Variants in TRIM33 observed in about 807,000 individuals in gnomAD.
TRIM33 encodes E3 ubiquitin-protein ligase TRIM33.
TRIM33 carries 20 observed loss-of-function variants against 125.4 expected under a neutral mutation model. The observed-to-expected ratio is 0.16, with a 90% CI of 0.11 to 0.23. TRIM33 has a LOEUF of 0.23. Among genes scored for constraint, TRIM33 ranks in the 10% least tolerant of loss-of-function variants. TRIM33 has a pLI of 1.00. For synonymous variants in TRIM33, 564 were observed against 513.9 expected, an observed-to-expected ratio of 1.10 and a Z score of -1.32; for missense variants, 920 against 1,411.4, an observed-to-expected ratio of 0.65 and a Z score of 5.58.
chr1:114,407,082 T>G lies in TRIM33; in HGVS notation c.2277A>C (p.Arg759Ser). Reference protein sequence around the residue: ...GSRGSCGSSGRTAEKTSLSFK... With the variant: ...GSRGSCGSSGSTAEKTSLSFK... Reference sequence around the variant, plus strand: ...AACTAAGACTTGTCTTCTCAGCAGTTCTTCCTGATGACCCACAGCTAATAA... The same window carrying G: ...AACTAAGACTTGTCTTCTCAGCAGTGCTTCCTGATGACCCACAGCTAATAA... Residue 759 changes from arginine (R) to serine (S), a missense_variant, in exon 14 of 20, where the codon AGA (arginine) becomes AGC (serine). Arg to Ser is a moderately radical substitution (Grantham distance 110). Around this residue, in one of 8 missense-constraint regions of TRIM33, gnomAD observed 407 missense variants for 589.7 expected, o/e 0.69. Coordinates refer to ENST00000358465, the MANE Select transcript of TRIM33 (RefSeq NM_015906.4). The G allele has an allele frequency of 1.2e-6, 2 of 1,613,552 alleles. No homozygotes were observed. The highest frequency in any genetic ancestry group is 1.7e-6 in the Non-Finnish European group (2 of 1,179,748).
intron 1 of TRIM33, among the ~76,000 whole-genome samples, chr1:114,506,316 G>C (rs1157429028): frequency 6.6e-6 from 1 of 151,096 alleles, no homozygotes; most frequent in Non-Finnish European, 1.5e-5. Flanking sequence ...CCAGGAGGTG[G>C]AGGTTGCAGT....
At chr1:114,492,739 G>A (rs757034698) in intron 1 of TRIM33, among the ~76,000 whole-genome samples, 7 of 152,186 alleles carry the variant, frequency 4.6e-5, no homozygotes, top group African/African-American at 7.2e-5. Context: ...ATTGCAGCAT[G>A]TATCGGAAAT....
rs116058638 is a variant in TRIM33, at chr1:114,395,074, A to T, written c.*2574T>A. 7.7e-3 allele frequency: 1,475 copies of T among 191,870 alleles called. 26 individuals carry two copies. Among genetic ancestry groups the T allele is most frequent in the African/African-American group, 0.032 (1,392 of 43,136 alleles). The allele number at this position is 191,870 out of a possible 1,614,324, so 11.9% of individuals were successfully genotyped here. A position where few individuals can be genotyped will look rare whatever the true frequency, so the allele number is the denominator to read the frequency against. On this transcript the variant is annotated 3_prime_UTR_variant, in exon 20 of 20. Transcript: ENST00000358465. The stretch of plus-strand genomic sequence containing the variant: ...AACTAATAGGAAAACATATATCTAA[A>T]TATCAATTTAAGTTTTTATACTTTT...
intron 1 of TRIM33, among the ~76,000 whole-genome samples, chr1:114,507,082 G>A (rs1409064853): frequency 6.6e-6 from 1 of 152,198 alleles, no homozygotes; most frequent in Non-Finnish European, 1.5e-5. Flanking sequence ...AAACATTTTG[G>A]ATTTTAGCTG....
intron 1 of TRIM33, among the ~76,000 whole-genome samples, chr1:114,503,457 G>T (rs999546922): frequency 6.6e-6 from 1 of 152,072 alleles, no homozygotes; most frequent in African/African-American, 2.4e-5. Context: ...CAGTGTGGGT[G>T]ACAAAGCAAG....
intron 4 of TRIM33, among the ~76,000 whole-genome samples, chr1:114,458,797 C>T (rs997665116): frequency 2.0e-5 from 3 of 152,086 alleles, no homozygotes; most frequent in African/African-American, 7.2e-5. Flanking sequence ...AACACTTAAA[C>T]TTTGGTTACT....
chr1:114,397,579 G>A lies in TRIM33; in HGVS notation c.*69C>T, dbSNP rs1305121288. 1.7e-6 allele frequency: 2 copies of A among 1,157,164 alleles called. No homozygotes were observed. Among genetic ancestry groups the A allele is most frequent in the Admixed American group, 2.5e-5 (1 of 40,812 alleles). 71.7% of individuals were successfully genotyped at this position (1,157,164 alleles called of 1,614,324 possible). A position where few individuals can be genotyped will look rare whatever the true frequency, so the allele number is the denominator to read the frequency against. On this transcript the variant is annotated 3_prime_UTR_variant, in exon 20 of 20. Coordinates refer to ENST00000358465, the MANE Select transcript of TRIM33 (RefSeq NM_015906.4). ...TCCAGCAACACTTAAAAGTTTTCTGGGTTTTTTGTGTTTTTTTTTTTTTTT... is the reference window on the plus strand; with the variant it reads ...TCCAGCAACACTTAAAAGTTTTCTGAGTTTTTTGTGTTTTTTTTTTTTTTT...
chr1:114,455,718 C>G (rs370982867), intron 4 of TRIM33, among the ~76,000 whole-genome samples: 1 of 152,102 alleles, frequency 6.6e-6, no homozygotes, highest in Non-Finnish European at 1.5e-5. Context: ...CAATGAGAGC[C>G]CCAGCTAGTT....
chr1:114,439,300 C>T (rs867798736), intron 4 of TRIM33, among the ~76,000 whole-genome samples: 4 of 148,110 alleles, frequency 2.7e-5, no homozygotes, highest in Non-Finnish European at 4.5e-5. Flanking sequence ...GGTGAAACCC[C>T]GTCTCTACTA....
intron 2 of TRIM33, among the ~76,000 whole-genome samples, chr1:114,463,791 C>T (rs1301653451): frequency 1.6e-5 from 2 of 126,684 alleles, no homozygotes; most frequent in Non-Finnish European, 3.2e-5. Context: ...TTTTTTGAGA[C>T]AGGCTCTCGC....
At chr1:114,422,913 T>C (rs1419688175) in intron 10 of TRIM33, among the ~76,000 whole-genome samples, 1 of 152,162 alleles carries the variant, frequency 6.6e-6, no homozygotes, top group South Asian at 2.1e-4. Flanking sequence ...ATTTTGTAAA[T>C]TATGTATTTT....
chr1:114,445,783 A>G (rs1171463220), intron 4 of TRIM33, among the ~76,000 whole-genome samples: 1 of 152,194 alleles, frequency 6.6e-6, no homozygotes, highest in Non-Finnish European at 1.5e-5. Context: ...AGTAATATCA[A>G]TATCTTTTCA....
intron 1 of TRIM33, among the ~76,000 whole-genome samples, chr1:114,493,352 G>A (rs1187885550): frequency 1.3e-5 from 2 of 152,086 alleles, no homozygotes; most frequent in African/African-American, 4.8e-5. Context: ...TTCACTTTCT[G>A]AATAATGGCC....
At chr1:114,448,795 T>C (rs1649145204) in intron 4 of TRIM33, among the ~76,000 whole-genome samples, 1 of 152,132 alleles carries the variant, frequency 6.6e-6, no homozygotes, top group Non-Finnish European at 1.5e-5. Context: ...CTAAGCAGAA[T>C]GAGCTGGAGT....
chr1:114,472,993 CA>C (rs1650741857), intron 1 of TRIM33, among the ~76,000 whole-genome samples: 1 of 151,872 alleles, frequency 6.6e-6, no homozygotes, highest in Non-Finnish European at 1.5e-5. Flanking sequence ...AAATAGCACT[CA>C]AATATAAAAT....
chr1:114,473,523 G>C (rs983277985), intron 1 of TRIM33, among the ~76,000 whole-genome samples: 4 of 152,124 alleles, frequency 2.6e-5, no homozygotes, highest in African/African-American at 9.7e-5. Context: ...TTATGGCAGA[G>C]CAGGAAATCG....
At chr1:114,416,429 T>C (rs1006030056) in intron 11 of TRIM33, among the ~76,000 whole-genome samples, 1 of 152,238 alleles carries the variant, frequency 6.6e-6, no homozygotes, top group Admixed American at 6.5e-5. Context: ...ATATTTCTTC[T>C]AGTTACCTAA....
chr1:114,471,731 T>C (rs1022377565), intron 1 of TRIM33, among the ~76,000 whole-genome samples: 1 of 152,188 alleles, frequency 6.6e-6, no homozygotes, highest in African/African-American at 2.4e-5. Context: ...ATAGTGGGAA[T>C]ACTGTACAAC....
intron 4 of TRIM33, among the ~76,000 whole-genome samples, chr1:114,453,941 G>A (rs1192988819): frequency 1.3e-5 from 2 of 152,202 alleles, no homozygotes; most frequent in East Asian, 1.9e-4. Context: ...GAACTCTCCT[G>A]GACTCTGCCC....
Sources: gnomAD v4.1 joint callset for allele counts (sites outside exome capture counted in the v4.1 genomes callset) on GRCh38, gnomAD v4.1.1 for gene constraint, gnomAD v4.1.1 regional missense constraint, MANE v1.5 for transcripts, NCBI Gene and HGNC (gene_info 2026-07-23, HGNC 2026-07-21) for gene names.